The following TENM3 variants were observed in gnomAD, a reference collection of about 807,000 sequenced individuals.
TENM3 encodes the protein teneurin-3.
TENM3 carries 63 observed loss-of-function variants against 255.1 expected under a neutral mutation model. That is an observed-to-expected ratio of 0.25 (90% CI 0.20 to 0.30). The LOEUF (loss-of-function observed/expected upper bound fraction) is 0.30. Among genes scored for constraint, TENM3 ranks in the 10% least tolerant of loss-of-function variants. The pLI is 1.00. For synonymous variants in TENM3, 1,306 were observed against 1,322.3 expected (o/e 0.99, Z 0.27); for missense variants, 2,929 against 3,461.1 (o/e 0.85, Z 3.86).
chr4:182,243,869 G>T (rs1187640916), intron 1 of TENM3, among the ~76,000 whole-genome samples: 1 of 151,778 alleles, frequency 6.6e-6, no homozygotes, highest in African/African-American at 2.4e-5. Context: ...TGAAAGAGAG[G>T]CAGGGCACTC....
the TENM3 span, among the ~76,000 whole-genome samples, chr4:181,761,435 A>G: frequency 2.0e-5 from 3 of 152,252 alleles, no homozygotes; most frequent in Admixed American, 6.5e-5. Flanking sequence ...ACCACAGTTC[A>G]CCATCAAAAT....
At chr4:181,543,614 T>G in the TENM3 span, among the ~76,000 whole-genome samples, 1 of 152,224 alleles carries the variant, frequency 6.6e-6, no homozygotes, top group Non-Finnish European at 1.5e-5. Context: ...TAAATTCTAC[T>G]GCCAGCCACC....
upstream of TENM3, among the ~76,000 whole-genome samples, chr4:182,239,435 T>G (rs1487500870): frequency 6.6e-6 from 1 of 152,184 alleles, no homozygotes; most frequent in Non-Finnish European, 1.5e-5. Context: ...GCTCCTTTCA[T>G]TGCTTAATTT....
chr4:182,268,323 C>A (rs2150202017), intron 1 of TENM3, among the ~76,000 whole-genome samples: 1 of 152,266 alleles, frequency 6.6e-6, no homozygotes. Flanking sequence ...TCTGACTGAG[C>A]TCCTCTCTAC....
chr4:181,873,936 C>A, the TENM3 span, among the ~76,000 whole-genome samples: 1 of 152,126 alleles, frequency 6.6e-6, no homozygotes, highest in African/African-American at 2.4e-5. Flanking sequence ...AGGCGTGCAC[C>A]ACCACGCCCA....
At chr4:182,002,632 C>G in the TENM3 span, among the ~76,000 whole-genome samples, 1 of 152,096 alleles carries the variant, frequency 6.6e-6, no homozygotes, top group East Asian at 1.9e-4. Flanking sequence ...AACTTTGTGT[C>G]TGCTATTGAA....
intron 3 of TENM3, among the ~76,000 whole-genome samples, chr4:182,592,278 T>A (rs1746738273): frequency 6.6e-6 from 1 of 152,118 alleles, no homozygotes; most frequent in African/African-American, 2.4e-5. Context: ...GGAGAAGCAG[T>A]TTCTGGAAAG....
the TENM3 span, among the ~76,000 whole-genome samples, chr4:181,937,112 A>T: frequency 6.6e-6 from 1 of 152,334 alleles, no homozygotes; most frequent in Middle Eastern, 3.4e-3. Context: ...CAAAGCAGGT[A>T]TGGGAGCATT....
At chr4:181,811,074 T>C in the TENM3 span, among the ~76,000 whole-genome samples, 15 of 152,158 alleles carry the variant, frequency 9.9e-5, no homozygotes, top group African/African-American at 3.1e-4. Context: ...GCGAGAAATT[T>C]GGAGTAGGTT....
At chr4:182,558,352 T>C (rs981325453) in intron 3 of TENM3, among the ~76,000 whole-genome samples, 2 of 152,146 alleles carry the variant, frequency 1.3e-5, no homozygotes, top group African/African-American at 2.4e-5. Flanking sequence ...AGCTAAGAAT[T>C]TGTAGTGTTT....
chr4:182,315,464 G>T (rs2675541), intron 1 of TENM3, among the ~76,000 whole-genome samples: 45,930 of 150,912 alleles, frequency 0.3, 7,265 homozygotes, highest in Middle Eastern at 0.38. Flanking sequence ...ATTATTTCCT[G>T]TGAGAAGCTC....
At chr4:181,728,143 A>AAAACG in the TENM3 span, among the ~76,000 whole-genome samples, 3 of 152,210 alleles carry the variant, frequency 2.0e-5, no homozygotes, top group Non-Finnish European at 2.9e-5. Flanking sequence ...GGTGGTGTTC[A>AAAACG]ATTTAATGAA....
intron 4 of TENM3, among the ~76,000 whole-genome samples, chr4:182,621,699 AT>A (rs1561016317): frequency 1.7e-4 from 16 of 96,526 alleles, no homozygotes; most frequent in South Asian, 1.1e-3. Flanking sequence ...TATATATTAT[AT>A]ATAAAATATA....
chr4:182,692,648 T>C (rs928412109), intron 12 of TENM3, among the ~76,000 whole-genome samples: 6 of 152,200 alleles, frequency 3.9e-5, no homozygotes, highest in Non-Finnish European at 7.4e-5. Flanking sequence ...GGGTTTACAA[T>C]GTATAAATGT....
intron 3 of TENM3, among the ~76,000 whole-genome samples, chr4:182,387,009 C>G (rs920930221): frequency 2.0e-5 from 3 of 152,336 alleles, no homozygotes; most frequent in South Asian, 4.1e-4. Flanking sequence ...AGCCAGCTGG[C>G]CTCCTGAGTC....
At chr4:181,466,559 A>G in the TENM3 span, among the ~76,000 whole-genome samples, 1 of 151,998 alleles carries the variant, frequency 6.6e-6, no homozygotes, top group African/African-American at 2.4e-5. Context: ...AATATAAGAA[A>G]CTCCCTGGAA....
the TENM3 span, among the ~76,000 whole-genome samples, chr4:182,013,821 G>A: frequency 6.6e-6 from 1 of 151,298 alleles, no homozygotes; most frequent in Non-Finnish European, 1.5e-5. Context: ...ATAATATATA[G>A]AGAACTATAG....
At chr4:182,750,601 A>G (rs1240788007) in intron 19 of TENM3, among the ~76,000 whole-genome samples, 8 of 152,232 alleles carry the variant, frequency 5.3e-5, no homozygotes, top group Non-Finnish European at 2.9e-5. Flanking sequence ...AGACTACTGC[A>G]TCACTATTAG....
chr4:181,465,598 G>A, the TENM3 span, among the ~76,000 whole-genome samples: 2 of 152,118 alleles, frequency 1.3e-5, no homozygotes, highest in African/African-American at 4.8e-5. Context: ...TTTCTTAGCG[G>A]AATTCTAGAG....
Sources: allele counts gnomAD v4.1 joint callset (sites outside exome capture counted in the v4.1 genomes callset), GRCh38; gene constraint gnomAD v4.1.1; transcripts MANE v1.5; gene names NCBI Gene and HGNC (gene_info 2026-07-23, HGNC 2026-07-21).